The following NTM variants were observed in gnomAD, a reference collection of about 807,000 sequenced individuals.
NTM encodes IgLON family member 2.
NTM carries 13 observed loss-of-function variants against 42.1 expected under a neutral mutation model. The observed-to-expected ratio is 0.31, with a 90% confidence interval of 0.20 to 0.49. The LOEUF (loss-of-function observed/expected upper bound fraction) is 0.49. NTM is among the 20% of genes least tolerant of loss of function. NTM has a pLI of 0.99. For missense variants in NTM, 373 were observed against 452.8 expected, an observed-to-expected ratio of 0.82 and a Z score of 1.60; for synonymous variants, 187 against 179.2, an observed-to-expected ratio of 1.04 and a Z score of -0.35.
At chr11:131,874,007 A>ATTT (rs2048186201) in intron 1 of NTM, among the ~76,000 whole-genome samples, 4 of 100,914 alleles carry the variant, frequency 4.0e-5, no homozygotes, top group African/African-American at 1.2e-4. Context: ...ATTTACATAT[A>ATTT]ATATATTTAT....
chr11:131,763,553 T>G (rs143040027), intron 1 of NTM, among the ~76,000 whole-genome samples: 1 of 152,172 alleles, frequency 6.6e-6, no homozygotes, highest in African/African-American at 2.4e-5. Context: ...TTTATAGCCT[T>G]ACACAACTTA....
intron 4 of NTM, among the ~76,000 whole-genome samples, chr11:132,248,284 G>A (rs2091475283): frequency 1.3e-5 from 2 of 152,072 alleles, no homozygotes; most frequent in Admixed American, 1.3e-4. Flanking sequence ...TTTCCCATCT[G>A]CTTCATAAAA....
intron 1 of NTM, among the ~76,000 whole-genome samples, chr11:131,572,925 ATGTCGCCGTCACCTCT>A (rs950506123): frequency 6.6e-6 from 1 of 152,152 alleles, no homozygotes; most frequent in Admixed American, 6.5e-5. Flanking sequence ...AGCTCGGACC[ATGTCGCCGTCACCTCT>A]TGTCTGTCTG....
At chr11:132,188,557 G>T (rs1566421381) in intron 3 of NTM, among the ~76,000 whole-genome samples, 1 of 152,072 alleles carries the variant, frequency 6.6e-6, no homozygotes, top group Non-Finnish European at 1.5e-5. Flanking sequence ...CTCTTCTGGG[G>T]GTTAGCTTAT....
intron 4 of NTM, among the ~76,000 whole-genome samples, chr11:132,226,996 T>C (rs547356602): frequency 6.6e-6 from 1 of 152,274 alleles, no homozygotes; most frequent in South Asian, 2.1e-4. Context: ...ATGAAAATGT[T>C]GAGTAGATAG....
intron 7 of NTM, among the ~76,000 whole-genome samples, chr11:132,329,679 C>T (rs2095759107): frequency 6.6e-6 from 1 of 152,198 alleles, no homozygotes; most frequent in Admixed American, 6.5e-5. Flanking sequence ...AGCATGAGCA[C>T]CTACATTCAA....
At chr11:131,411,454 AG>A (rs541235667) in intron 1 of NTM, among the ~76,000 whole-genome samples, 32 of 152,140 alleles carry the variant, frequency 2.1e-4, no homozygotes, top group African/African-American at 7.2e-4. Flanking sequence ...GAGGAGAAAA[AG>A]GCTTCCGGAT....
At chr11:132,086,133 G>A (rs911167989) in intron 2 of NTM, among the ~76,000 whole-genome samples, 1 of 151,922 alleles carries the variant, frequency 6.6e-6, no homozygotes, top group Non-Finnish European at 1.5e-5. Context: ...GACCATCCTG[G>A]CTAATATGGT....
At chr11:132,034,174 A>G (rs2076241080) in intron 2 of NTM, among the ~76,000 whole-genome samples, 2 of 152,162 alleles carry the variant, frequency 1.3e-5, no homozygotes, top group African/African-American at 4.8e-5. Flanking sequence ...CTTCCCAGAG[A>G]CCTTGCAAAT....
At chr11:131,664,754 T>TTTTG (rs2068716553) in intron 1 of NTM, among the ~76,000 whole-genome samples, 1 of 6,248 alleles carries the variant, frequency 1.6e-4, no homozygotes, top group African/African-American at 4.3e-4. Context: ...TCTTCCATTG[T>TTTTG]TTTTTTTTTT....
At chr11:131,484,281 G>C (rs896483408) in intron 1 of NTM, among the ~76,000 whole-genome samples, 8 of 152,154 alleles carry the variant, frequency 5.3e-5, no homozygotes, top group African/African-American at 1.9e-4. Context: ...AAAAGAGAGA[G>C]AGACAGACTA....
At chr11:132,241,826 T>C (rs563503529) in intron 4 of NTM, among the ~76,000 whole-genome samples, 120 of 152,238 alleles carry the variant, frequency 7.9e-4, no homozygotes, top group Admixed American at 2.0e-3. Flanking sequence ...TGCTCCCTGA[T>C]TTATAGTACA....
intron 4 of NTM, among the ~76,000 whole-genome samples, chr11:132,237,172 A>T (rs905098964): frequency 6.6e-6 from 1 of 152,216 alleles, no homozygotes; most frequent in Admixed American, 6.5e-5. Context: ...AACGTCCGGA[A>T]CATGGGTCCA....
intron 1 of NTM, among the ~76,000 whole-genome samples, chr11:131,861,084 A>G (rs942457609): frequency 2.0e-5 from 3 of 152,090 alleles, no homozygotes; most frequent in African/African-American, 7.2e-5. Flanking sequence ...TCCCATGGGT[A>G]TCCTGTTACT....
chr11:132,281,443 T>C (rs1487857728), intron 4 of NTM, among the ~76,000 whole-genome samples: 1 of 152,214 alleles, frequency 6.6e-6, no homozygotes, highest in African/African-American at 2.4e-5. Context: ...TGCATATACG[T>C]ATATGTTTTT....
intron 2 of NTM, among the ~76,000 whole-genome samples, chr11:132,140,810 C>T (rs2068943335): frequency 6.6e-6 from 1 of 152,152 alleles, no homozygotes; most frequent in African/African-American, 2.4e-5. Context: ...CGTGATGTTC[C>T]CCTATGATGC....
At chr11:131,415,073 A>G (rs1002820434) in intron 1 of NTM, among the ~76,000 whole-genome samples, 2 of 152,158 alleles carry the variant, frequency 1.3e-5, no homozygotes, top group African/African-American at 4.8e-5. Flanking sequence ...ACCATTTATT[A>G]TTAGTGAATC....
intron 7 of NTM, among the ~76,000 whole-genome samples, chr11:132,316,270 T>C (rs1455479648): frequency 1.3e-5 from 2 of 152,164 alleles, no homozygotes; most frequent in Admixed American, 6.5e-5. Context: ...ACAGTTCTCG[T>C]AAGAGTTGAA....
chr11:131,454,185 T>TG (rs397721726), intron 1 of NTM, among the ~76,000 whole-genome samples: 1 of 180 alleles, frequency 5.6e-3, no homozygotes, highest in Non-Finnish European at 9.6e-3. Flanking sequence ...TTACAGACTA[T>TG]GTTATAATCA....
Sources: gnomAD v4.1 joint callset for allele counts (sites outside exome capture counted in the v4.1 genomes callset) on GRCh38, gnomAD v4.1.1 for gene constraint, MANE v1.5 for transcripts, NCBI Gene and HGNC (gene_info 2026-07-23, HGNC 2026-07-21) for gene names.